The following SAMD8 variants were observed in gnomAD, a reference collection of about 807,000 sequenced individuals.
SAMD8 encodes the protein sterile alpha motif domain containing 8.
SAMD8 carries 20 observed loss-of-function variants against 42.0 expected under a neutral mutation model. The observed-to-expected ratio is 0.48, with a 90% CI of 0.34 to 0.69. The LOEUF (loss-of-function observed/expected upper bound fraction) is 0.69. Ranked by LOEUF, SAMD8 falls within the 30% of genes least tolerant of loss-of-function variation. The probability of loss-of-function intolerance (pLI) is 0.01; values close to 1 mark genes in which losing one functional copy is unlikely to be tolerated. For missense variants in SAMD8, 328 were observed against 511.6 expected (o/e 0.64, Z 3.46); for synonymous variants, 162 against 173.0 (o/e 0.94, Z 0.50).
At chr10:75,168,755 CT>C in intron 4 of SAMD8, 97 bp downstream of exon 4, 1 of 758,512 alleles carries the variant, frequency 1.3e-6, no homozygotes, top group South Asian at 1.5e-5. Context: ...TTAAAATGTG[CT>C]TTTTAGTATC....
In SAMD8 at chr10:75,174,430, CTTTTT is replaced by C. The variant is rs1159237277; in HGVS notation, c.793-1619_793-1615del. Among the ~76,000 whole-genome samples, 4 of 102,760 alleles carry C rather than the reference CTTTTT, an allele frequency of 3.9e-5. No individual in the cohort carries two copies. The Admixed American group carries it at 4.1e-4, about 11-fold the overall frequency. The allele number at this position is 102,760 out of a possible 152,430, so 67.4% of individuals were successfully genotyped here. On this transcript the variant is annotated intron_variant, in intron 4 of 5. Coordinates refer to ENST00000542569, the MANE Select transcript of SAMD8 (RefSeq NM_001174156.2). ...AGGCGTGAGCCACCGTGCCTGGCCT[CTTTTT>C]TTTTTTTTTTTTTTTTGAGATGGAG...
intron 1 of SAMD8, chr10:75,103,978 A>G: frequency 7.4e-7 from 1 of 1,342,468 alleles, no homozygotes; most frequent in Non-Finnish European, 9.9e-7. Context: ...GGCCGACCCC[A>G]CGCTGGGCTT....
intron 1 of SAMD8, among the ~76,000 whole-genome samples, chr10:75,102,869 T>G (rs1288736657): frequency 1.3e-5 from 2 of 151,880 alleles, no homozygotes; most frequent in South Asian, 2.1e-4. Flanking sequence ...GGAGAATCAT[T>G]TGAACCCGGG....
At chr10:75,142,104 T>C (rs775565209) in intron 1 of SAMD8, among the ~76,000 whole-genome samples, 7 of 151,870 alleles carry the variant, frequency 4.6e-5, no homozygotes, top group Non-Finnish European at 8.8e-5. Flanking sequence ...CCCACCACCA[T>C]GCCTGGCTAA....
At position 75,168,567 on chromosome 10, in the gene SAMD8, G is replaced by A; in HGVS notation, c.701G>A (p.Ser234Asn). ...TCAATACTTCTGCGAAGGCTCTGTA[G>A]TCTGATGGGAACTGTATTCTTGCTT... The part of the protein sequence containing the change: ...HRSILLRRLC[S>N]LMGTVFLLRC... The change falls in exon 4 of 6, where the codon AGT (serine) becomes AAT (asparagine). Residue 234 changes from serine to asparagine, a missense_variant. Coordinates refer to ENST00000542569, the MANE Select transcript of SAMD8 (RefSeq NM_001174156.2). 6.2e-7 allele frequency: 1 copy of A among 1,613,840 alleles called. No homozygotes were observed. Among genetic ancestry groups the A allele is most frequent in the East Asian group, 2.2e-5 (1 of 44,862 alleles).
upstream of SAMD8, chr10:75,109,003 A>C (rs1848692330): frequency 6.3e-7 from 1 of 1,595,348 alleles, no homozygotes; most frequent in Non-Finnish European, 8.6e-7. Flanking sequence ...GCCAGCTACC[A>C]CTCACGCATC....
At chr10:75,149,113 AT>A (rs1244341130) in intron 1 of SAMD8, among the ~76,000 whole-genome samples, 1 of 152,216 alleles carries the variant, frequency 6.6e-6, no homozygotes, top group Non-Finnish European at 1.5e-5. Context: ...TGGAAATACA[AT>A]CTTCAGAGGT....
intron 1 of SAMD8, chr10:75,105,619 C>T: frequency 1.3e-6 from 2 of 1,528,888 alleles, no homozygotes; most frequent in Non-Finnish European, 1.8e-6. Flanking sequence ...CACCTGGCCT[C>T]TTCCGGCCAA....
rs945837238 is a variant in SAMD8 at position 75,181,650 on chromosome 10, C to T, written c.*4958C>T. 6.6e-6 allele frequency: 1 copy of T among 152,168 alleles called. No homozygotes were observed. The highest frequency in any genetic ancestry group is 1.5e-5 in the Non-Finnish European group (1 of 68,030). The allele number at this position is 152,168 out of a possible 1,614,324, so 9.4% of individuals were successfully genotyped here. A position where few individuals can be genotyped will look rare whatever the true frequency, so the allele number is the denominator to read the frequency against. ...GCCTGATATGGCAGGAGAAAGAACA[C>T]TATGGTAATTTCATTGTTACTTCAG... On this transcript the variant is annotated 3_prime_UTR_variant, in exon 6 of 6. Transcript: ENST00000542569.
chr10:75,162,580 C>T (rs1840582409), intron 2 of SAMD8, among the ~76,000 whole-genome samples: 3 of 130,674 alleles, frequency 2.3e-5, no homozygotes, highest in South Asian at 5.5e-4. Flanking sequence ...ACCCAGGAGG[C>T]GGAGGTTGTG....
rs990370468 is a variant in SAMD8, at chr10:75,176,756, C to T, written c.*64C>T. Reference sequence around the variant, plus strand: ...TAGTTGTTGAAAATGAGTAACTTTGCGTTCTCCCCCTAGGTTGTTCTTAGA... The same window carrying T: ...TAGTTGTTGAAAATGAGTAACTTTGTGTTCTCCCCCTAGGTTGTTCTTAGA... On this transcript the variant is annotated 3_prime_UTR_variant, in exon 6 of 6. Transcript: ENST00000542569. The surrounding 1 kb of genome is among the most constrained non-coding windows in gnomAD (Gnocchi z 4.3). 1.0e-4 allele frequency: 130 copies of T among 1,248,732 alleles called. No homozygotes were observed. Among genetic ancestry groups the T allele is most frequent in the Admixed American group, 2.7e-4 (10 of 36,614 alleles). The allele number at this position is 1,248,732 out of a possible 1,614,324, so 77.4% of individuals were successfully genotyped here. A position where few individuals can be genotyped will look rare whatever the true frequency, so the allele number is the denominator to read the frequency against.
At chr10:75,110,689 C>A (rs1267244992), upstream of SAMD8, among the ~76,000 whole-genome samples, 1 of 152,164 alleles carries the variant, frequency 6.6e-6, no homozygotes, top group Non-Finnish European at 1.5e-5. Flanking sequence ...GGTGGTGCAG[C>A]ATGGTGGAGT....
chr10:75,171,311 C>T (rs757572114), intron 4 of SAMD8, among the ~76,000 whole-genome samples: 80 of 151,344 alleles, frequency 5.3e-4, no homozygotes, highest in Middle Eastern at 3.4e-3. Flanking sequence ...GGACTACAGG[C>T]GCCCGCCACC....
chr10:75,165,539 G>A (rs571116424), intron 3 of SAMD8, among the ~76,000 whole-genome samples: 310 of 151,980 alleles, frequency 2.0e-3, no homozygotes, highest in African/African-American at 7.0e-3. Context: ...GCATGGTGGC[G>A]GGTGCCTGTA....
At chr10:75,130,174 G>C (rs555044248) in intron 1 of SAMD8, among the ~76,000 whole-genome samples, 1 of 151,890 alleles carries the variant, frequency 6.6e-6, no homozygotes, top group African/African-American at 2.4e-5. Flanking sequence ...GTTAAGAAGT[G>C]TCTTCAAAAT....
intron 4 of SAMD8, among the ~76,000 whole-genome samples, chr10:75,174,253 C>T (rs955649544): frequency 2.6e-5 from 4 of 152,054 alleles, no homozygotes; most frequent in African/African-American, 9.7e-5. Context: ...CCTCAGCCTC[C>T]CGAGTAGCTG....
chr10:75,121,316 T>C (rs1848999796), intron 1 of SAMD8, among the ~76,000 whole-genome samples: 1 of 152,192 alleles, frequency 6.6e-6, no homozygotes, highest in South Asian at 2.1e-4. Flanking sequence ...CTCTTTACTT[T>C]CTGGGCTGTA....
intron 2 of SAMD8, among the ~76,000 whole-genome samples, chr10:75,154,679 G>GT (rs1840370796): frequency 6.6e-6 from 1 of 151,850 alleles, no homozygotes; most frequent in African/African-American, 2.4e-5. Flanking sequence ...GAATACCCTG[G>GT]GGTGTGGGTG....
intron 2 of SAMD8, among the ~76,000 whole-genome samples, chr10:75,159,337 G>A (rs751761462): frequency 2.6e-5 from 4 of 152,160 alleles, no homozygotes; most frequent in East Asian, 1.9e-4. Flanking sequence ...AGCATTACAC[G>A]TGTGAGCCAC....
Sources: gnomAD v4.1 joint callset for allele counts (sites outside exome capture counted in the v4.1 genomes callset) on GRCh38, gnomAD v4.1.1 for gene constraint, Gnocchi (gnomAD v3.1) non-coding constraint, MANE v1.5 for transcripts, NCBI Gene and HGNC (gene_info 2026-07-23, HGNC 2026-07-21) for gene names.